MGST1: variants seen among roughly 807,000 people sequenced by gnomAD.
MGST1 encodes glutathione S-transferase 12.
A neutral mutation model predicts 8.9 loss-of-function variants in MGST1; 5 were observed. The ratio of observed to expected loss-of-function variants is 0.56; its 90% CI spans 0.29 to 1.19. MGST1 has a LOEUF of 1.19. Among genes scored for constraint, MGST1 ranks in the 50% most tolerant of loss-of-function variants. The probability of loss-of-function intolerance (pLI) is 0.08; values close to 1 mark genes in which losing one functional copy is unlikely to be tolerated. For synonymous variants in MGST1, 54 were observed against 67.8 expected, an observed-to-expected ratio of 0.80 and a Z score of 1.00; for missense variants, 182 against 187.4, an observed-to-expected ratio of 0.97 and a Z score of 0.17.
chr12:16,587,459 A>AT lies in MGST1; in HGVS notation n.483-2060dup, dbSNP rs371441291. On this transcript the variant is annotated intron_variant and non_coding_transcript_variant, in intron 4 of 4. Coordinates refer to the MGST1 transcript ENST00000538857. This position sits in a 1 kb window ranked among gnomAD's most constrained non-coding sequence, Gnocchi z 4.3. ...CTAGAGAGCAAGGAATTCAAGTTCG[A>AT]TTTTTTTTTCTTTTACTTTGCCTAC... Among the ~76,000 whole-genome samples the AT allele has an allele frequency of 3.6e-4, 55 of 151,624 alleles. 1 individual carries two copies. Among genetic ancestry groups the AT allele is most frequent in the African/African-American group, 7.7e-4 (32 of 41,352 alleles).
In MGST1 at chr12:16,357,586, T is replaced by C; in HGVS notation, c.127-19T>C. 6.2e-7 allele frequency: 1 copy of C among 1,600,136 alleles called. No homozygotes were observed. Among genetic ancestry groups the C allele is most frequent in the Admixed American group, 1.7e-5 (1 of 58,294 alleles). On this transcript the variant is annotated intron_variant, in intron 2 of 3. Coordinates refer to ENST00000396210, the MANE Select transcript of MGST1 (RefSeq NM_020300.5). The stretch of plus-strand genomic sequence containing the variant: ...TGGCCAGTATTTGAAATAAGTTTTT[T>C]TTCTTGGTATTTGGATAGGTTTTTG...
chr12:16,562,667 T>C lies in MGST1; in HGVS notation n.483-26861T>C, dbSNP rs555839693. ...ATGATAAATGTGGCAAGTTCAGTAATGCATGGCCAGCCCTGAGCTGCCTGC... is the reference window on the plus strand; with the variant it reads ...ATGATAAATGTGGCAAGTTCAGTAACGCATGGCCAGCCCTGAGCTGCCTGC... On this transcript the variant is annotated intron_variant and non_coding_transcript_variant, in intron 4 of 4. Coordinates refer to the MGST1 transcript ENST00000538857. 2.0e-5 allele frequency among the ~76,000 whole-genome samples: 3 copies of C among 152,348 alleles called. No homozygotes were observed. The East Asian group carries it at 5.8e-4, about 29-fold the overall frequency.
chr12:16,412,569 C>T lies in MGST1; in HGVS notation n.779-24819C>T, dbSNP rs139332095. On this transcript the variant is annotated intron_variant and non_coding_transcript_variant, in intron 1 of 1. Transcript: ENST00000359720. ...TCCCAAATCTCACCTTGAATTGTAGCTCCCATAATGCCCACATGTCCTGGG... is the reference window on the plus strand; with the variant it reads ...TCCCAAATCTCACCTTGAATTGTAGTTCCCATAATGCCCACATGTCCTGGG... 3.4e-3 allele frequency among the ~76,000 whole-genome samples: 519 copies of T among 152,260 alleles called. 3 individuals are homozygous for T. The highest frequency in any genetic ancestry group is 0.011 in the African/African-American group (454 of 41,546).
At chr12:16,403,121 CTG>C (rs1940673570) in intron 1 of MGST1, among the ~76,000 whole-genome samples, 1 of 151,990 alleles carries the variant, frequency 6.6e-6, no homozygotes, top group Non-Finnish European at 1.5e-5. Context: ...ATACCTAAGA[CTG>C]TAAGTTTCCA....
intron 4 of MGST1, among the ~76,000 whole-genome samples, chr12:16,561,188 T>A (rs1478941676): frequency 2.6e-5 from 4 of 152,072 alleles, no homozygotes; most frequent in Admixed American, 2.6e-4. Flanking sequence ...GTCTAGGATT[T>A]AAAAAAAATT....
At chr12:16,494,557 T>C (rs574488960) in intron 4 of MGST1, among the ~76,000 whole-genome samples, 2 of 152,288 alleles carry the variant, frequency 1.3e-5, no homozygotes, top group South Asian at 4.1e-4. Context: ...AAATGTTTAA[T>C]TAACATTTAG....
At position 16,389,542 on chromosome 12, in the gene MGST1, C is replaced by A. The variant is rs1940532081; in HGVS notation, n.778+5938C>A. 1.3e-5 allele frequency among the ~76,000 whole-genome samples: 2 copies of A among 152,118 alleles called. No individual in the cohort carries two copies. The highest frequency in any genetic ancestry group is 2.4e-5 in the African/African-American group (1 of 41,416). ...AATTTAAAATATTGGGTTTTCCCTGCCCTTCTTAGGATAGCCAGTAGAAAA... is the reference window on the plus strand; with the variant it reads ...AATTTAAAATATTGGGTTTTCCCTGACCTTCTTAGGATAGCCAGTAGAAAA... On this transcript the variant is annotated intron_variant and non_coding_transcript_variant, in intron 1 of 1. Transcript: ENST00000359720. The surrounding 1 kb of genome is among the most constrained non-coding windows in gnomAD (Gnocchi z 4.6).
chr12:16,387,628 G>GC (rs1940515779), intron 1 of MGST1, among the ~76,000 whole-genome samples: 1 of 151,446 alleles, frequency 6.6e-6, no homozygotes, highest in Non-Finnish European at 1.5e-5. Context: ...CCACGTTCAC[G>GC]CCATTCTCCT....
At chr12:16,567,284 C>A in intron 4 of MGST1, 1 of 157,692 alleles carries the variant, frequency 6.3e-6, no homozygotes, top group African/African-American at 2.4e-5. Context: ...TGAGAGAAAG[C>A]TGAGGTTCAA....
chr12:16,474,658 C>T (rs1005690961), intron 4 of MGST1, among the ~76,000 whole-genome samples: 1 of 152,160 alleles, frequency 6.6e-6, no homozygotes, highest in African/African-American at 2.4e-5. Context: ...TGTCCTTCCC[C>T]TACTGCCACT....
At position 16,362,589 on chromosome 12, in the gene MGST1, C is replaced by G. The variant is rs1940050445; in HGVS notation, c.222-1206C>G. The G allele has an allele frequency of 6.6e-6, 1 of 152,106 alleles. No individual in the cohort carries two copies. The highest frequency in any genetic ancestry group is 6.6e-5 in the Admixed American group (1 of 15,266). The allele number at this position is 152,106 out of a possible 1,614,324, so 9.4% of individuals were successfully genotyped here. On this transcript the variant is annotated intron_variant, in intron 3 of 3. Coordinates refer to ENST00000396210, the MANE Select transcript of MGST1 (RefSeq NM_020300.5). This position sits in a 1 kb window ranked among gnomAD's most constrained non-coding sequence, Gnocchi z 4.4. The stretch of plus-strand genomic sequence containing the variant: ...AAACTATCAAATTCTCCATTTCTAG[C>G]CTAGATTCTAAAGCAATTTCTAATT...
chr12:16,456,543 T>C (rs2137119279), intron 4 of MGST1, among the ~76,000 whole-genome samples: 1 of 152,068 alleles, frequency 6.6e-6, no homozygotes, highest in Admixed American at 6.6e-5. Flanking sequence ...GATAGGAATA[T>C]GAAAAGACAA....
At chr12:16,378,269 T>C (rs1940411285), downstream of MGST1, among the ~76,000 whole-genome samples, 1 of 152,152 alleles carries the variant, frequency 6.6e-6, no homozygotes, top group South Asian at 2.1e-4. Context: ...CCAGGGTTTT[T>C]ATGGTTTTAG....
Position 16,557,217 on chromosome 12 carries a change from G to A in MGST1, n.483-32311G>A, listed in dbSNP as rs536430633. Among the ~76,000 whole-genome samples, 11 of 152,136 alleles carry A rather than the reference G, an allele frequency of 7.2e-5. No homozygotes were observed. The East Asian group carries it at 2.1e-3, about 29-fold the overall frequency. ...TTCTATGTAGAACATGGATAAAATA[G>A]GTAACCCTACTTAATAGAAGAAAAT... On this transcript the variant is annotated intron_variant and non_coding_transcript_variant, in intron 4 of 4. Transcript: ENST00000538857.
At chr12:16,449,340 A>G (rs1029417430) in intron 4 of MGST1, among the ~76,000 whole-genome samples, 1 of 151,744 alleles carries the variant, frequency 6.6e-6, no homozygotes, top group African/African-American at 2.4e-5. Context: ...GAGTAAACCC[A>G]CTCATCACCA....
intron 4 of MGST1, among the ~76,000 whole-genome samples, chr12:16,491,711 T>G (rs1941439187): frequency 6.6e-6 from 1 of 152,222 alleles, no homozygotes; most frequent in African/African-American, 2.4e-5. Context: ...TGAACATTTC[T>G]TATAGATAGA....
At chr12:16,498,290 A>G (rs1941482917) in intron 4 of MGST1, among the ~76,000 whole-genome samples, 1 of 152,194 alleles carries the variant, frequency 6.6e-6, no homozygotes, top group Non-Finnish European at 1.5e-5. Context: ...ACCACTTCCT[A>G]GTATCTCTCC....
intron 3 of MGST1, among the ~76,000 whole-genome samples, chr12:16,360,986 C>A (rs9332933): frequency 1.4e-5 from 2 of 148,018 alleles, no homozygotes; most frequent in Non-Finnish European, 1.5e-5. Flanking sequence ...GTGTTCCCCC[C>A]CTCCCCGCCC....
At chr12:16,514,489 G>A in intron 4 of MGST1, 1 of 250,272 alleles carries the variant, frequency 4.0e-6, no homozygotes, top group African/African-American at 2.3e-5. Flanking sequence ...ACCCACTACT[G>A]GCCACACATC....
Sources: gnomAD v4.1 joint callset for allele counts (sites outside exome capture counted in the v4.1 genomes callset) on GRCh38, gnomAD v4.1.1 for gene constraint, Gnocchi (gnomAD v3.1) non-coding constraint, MANE v1.5 for transcripts, NCBI Gene and HGNC (gene_info 2026-07-23, HGNC 2026-07-21) for gene names.